GSTM5: variants seen among roughly 807,000 people sequenced by gnomAD.
GSTM5 encodes the protein GST class-mu 5.
Under a neutral mutation model 29.0 loss-of-function variants are expected in GSTM5, and 24 were observed. The ratio of observed to expected loss-of-function variants is 0.83; its 90% CI spans 0.60 to 1.16. The LOEUF (loss-of-function observed/expected upper bound fraction) is 1.16. GSTM5 is among the 50% of genes most tolerant of loss of function. GSTM5 has a pLI of 0.00. For synonymous variants in GSTM5, 91 were observed against 93.6 expected (o/e 0.97, Z 0.16); for missense variants, 290 against 263.0 (o/e 1.10, Z -0.71).
intron 7 of GSTM5, chr1:109,715,980 C>T (rs1468415881): frequency 2.8e-5 from 25 of 908,962 alleles, no homozygotes; most frequent in Non-Finnish European, 3.9e-5. Flanking sequence ...TATTCACCGA[C>T]CTTCTCCTCT....
rs894034059 is a variant in GSTM5, at chr1:109,713,488, C to A, written c.182C>A (p.Pro61His). ...CCCGGTTTCCCATCTATCCAGCTGC[C>A]CTACTTGATTGATGGGGCTCACAAG... Reference protein sequence around the residue: ...FKLGLDFPNLPYLIDGAHKIT... With the variant: ...FKLGLDFPNLHYLIDGAHKIT... Residue 61 changes from proline (P) to histidine (H), a missense_variant, in exon 4 of 8, where the codon CCC becomes CAC. Pro to His is a moderately conservative substitution (Grantham distance 77). Coordinates refer to ENST00000256593, the MANE Select transcript of GSTM5 (RefSeq NM_000851.4). 1 of 1,614,090 alleles carries A rather than the reference C, an allele frequency of 6.2e-7. No homozygotes were observed. The highest frequency in any genetic ancestry group is 8.5e-7 in the Non-Finnish European group (1 of 1,180,036).
intron 2 of GSTM5, 151 bp downstream of exon 2, chr1:109,712,844 C>T (rs980932746): frequency 2.3e-5 from 22 of 973,752 alleles, no homozygotes; most frequent in East Asian, 2.0e-4. Context: ...AGCCCTCTGG[C>T]CTTGCAAGGC....
At chr1:109,712,246 T>C (rs528375852), upstream of GSTM5, 134 of 1,554,442 alleles carry the variant, frequency 8.6e-5, 1 homozygote, top group African/African-American at 1.4e-3. Flanking sequence ...TGTCCCCTCC[T>C]GGGCCTCTCA....
chr1:109,713,440 G>T (rs771357549), intron 3 of GSTM5, 44 bp from the exon 4 acceptor site: 3 of 1,613,384 alleles, frequency 1.9e-6, no homozygotes, highest in Admixed American at 1.7e-5. Flanking sequence ...ATGCTGGGGA[G>T]CCTGGTGGCC....
rs144530836 is a variant in GSTM5, at chr1:109,713,742, T to A, written c.341T>A (p.Leu114Gln). ...GATAACCACATGGAGCTGGTCAGACTGTGCTATGACCCAGATTTTGTGAGT... is the reference window on the plus strand; with the variant it reads ...GATAACCACATGGAGCTGGTCAGACAGTGCTATGACCCAGATTTTGTGAGT... ...VMDNHMELVRLCYDPDFEKLK... is the reference protein window; with the variant it reads ...VMDNHMELVRQCYDPDFEKLK... The change falls in exon 5 of 8, where the codon CTG becomes CAG. Residue 114 changes from leucine (L) to glutamine (Q), a missense_variant. Coordinates refer to ENST00000256593, the MANE Select transcript of GSTM5 (RefSeq NM_000851.4). 1,054 of 1,613,022 alleles carry A rather than the reference T, an allele frequency of 6.5e-4. 10 individuals carry two copies. In the African/African-American group the frequency reaches 0.013, roughly 20 times the overall value.
rs1403570786 is a variant in GSTM5 at position 109,715,121 on chromosome 1, C to G, written c.457-9C>G. 2 of 1,614,068 alleles carry G rather than the reference C, an allele frequency of 1.2e-6. No homozygotes were observed. On this transcript the variant is annotated splice_polypyrimidine_tract_variant and intron_variant, in intron 6 of 7. Coordinates refer to ENST00000256593, the MANE Select transcript of GSTM5 (RefSeq NM_000851.4). ...GGTTTTCAGCCCACACATTCTTGGC[C>G]TTCTTCAGATCACCTTTGTGGATTT... is the stretch of plus-strand genomic sequence containing the variant.
intron 2 of GSTM5, 88 bp from the exon 3 acceptor site, chr1:109,713,031 G>C (rs1648614143): frequency 3.4e-6 from 5 of 1,478,852 alleles, no homozygotes; most frequent in Non-Finnish European, 4.7e-6. Context: ...ACCTGTCTCA[G>C]GGATCTTGCC....
intron 7 of GSTM5, 66 bp from the exon 8 acceptor site, chr1:109,717,271 G>A: frequency 8.1e-7 from 1 of 1,228,492 alleles, no homozygotes; most frequent in Non-Finnish European, 1.2e-6. Context: ...TGCTGTGCCT[G>A]CAGCAAAGCT....
rs760494900 is a variant in GSTM5, at chr1:109,712,307, A to G, written c.-6A>G. On this transcript the variant is annotated 5_prime_UTR_variant, in exon 1 of 8. Coordinates refer to ENST00000256593, the MANE Select transcript of GSTM5 (RefSeq NM_000851.4). ...CCTGTCTGCAGAATCCGCACCAACC[A>G]GCACCATGCCCATGACTCTGGGGTA... 1 of 1,613,932 alleles carries G rather than the reference A, an allele frequency of 6.2e-7. No homozygotes were observed. The highest frequency in any genetic ancestry group is 1.3e-5 in the African/African-American group (1 of 74,896).
intron 3 of GSTM5, 134 bp downstream of exon 3, chr1:109,713,317 C>T (rs1648630386): frequency 4.3e-6 from 6 of 1,389,430 alleles, no homozygotes; most frequent in Non-Finnish European, 6.1e-6. Context: ...GTCTACACAG[C>T]CCTTGCATGA....
intron 7 of GSTM5, chr1:109,715,630 C>A (rs1169259200): frequency 1.2e-6 from 1 of 802,140 alleles, no homozygotes; most frequent in Non-Finnish European, 1.9e-6. Flanking sequence ...CAGCCCAGAA[C>A]ACTTTGAAAG....
intron 7 of GSTM5, 144 bp downstream of exon 7, chr1:109,715,384 A>G (rs747525031): frequency 2.4e-5 from 38 of 1,577,156 alleles, no homozygotes; most frequent in Middle Eastern, 3.3e-4. Context: ...CCAGCACATT[A>G]TACCTATCGT....
intron 1 of GSTM5, 100 bp from the exon 2 acceptor site, chr1:109,712,518 G>A (rs567005929): frequency 7.0e-6 from 10 of 1,428,144 alleles, no homozygotes; most frequent in Middle Eastern, 1.9e-4. Context: ...AGGAGGCGAC[G>A]GGTACGTGCA....
chr1:109,712,422 C>T, intron 1 of GSTM5, 74 bp downstream of exon 1: 1 of 1,538,378 alleles, frequency 6.5e-7, no homozygotes, highest in South Asian at 1.1e-5. Context: ...AGGACTGGCT[C>T]TAGGGACCGT....
At position 109,712,361 on chromosome 1, in the gene GSTM5, C is replaced by T. The variant is rs1385833843; in HGVS notation, c.36+13C>T. Reference sequence around the variant, plus strand: ...GGACATCCGTGGGGTAAGCGAGGGTCCTCTGGTGGGTGGGACAGGGGGCGG... The same window carrying T: ...GGACATCCGTGGGGTAAGCGAGGGTTCTCTGGTGGGTGGGACAGGGGGCGG... On this transcript the variant is annotated intron_variant, in intron 1 of 7. Transcript: ENST00000256593. The T allele has an allele frequency of 6.2e-7, 1 of 1,613,542 alleles. No individual in the cohort carries two copies. The highest frequency in any genetic ancestry group is 1.7e-5 in the Admixed American group (1 of 59,986).
chr1:109,713,296 C>T, intron 3 of GSTM5, 113 bp downstream of exon 3: 1 of 1,502,386 alleles, frequency 6.7e-7, no homozygotes. Flanking sequence ...CAATTCCTCT[C>T]ACTCTTGGCT....
In GSTM5 at chr1:109,712,586, C is replaced by G. The variant is rs374682957; in HGVS notation, c.37-32C>G. 23 of 1,612,180 alleles carry G rather than the reference C, an allele frequency of 1.4e-5. No homozygotes were observed. The African/African-American group carries it at 2.5e-4, about 18-fold the overall frequency. Reference sequence around the variant, plus strand: ...AGTCACCAAGTCAGGGACCCTCCATCTCTGACCCGAGCCGCGGGCCATCTC... The same window carrying G: ...AGTCACCAAGTCAGGGACCCTCCATGTCTGACCCGAGCCGCGGGCCATCTC... On this transcript the variant is annotated intron_variant, in intron 1 of 7. Coordinates refer to ENST00000256593, the MANE Select transcript of GSTM5 (RefSeq NM_000851.4).
At chr1:109,715,370 A>G (rs753093870) in intron 7 of GSTM5, 130 bp downstream of exon 7, 2 of 1,592,676 alleles carry the variant, frequency 1.3e-6, no homozygotes, top group Non-Finnish European at 1.7e-6. Flanking sequence ...GCCAGGAATC[A>G]TGCCCAGCAC....
intron 5 of GSTM5, chr1:109,714,400 C>T (rs558024941): frequency 4.8e-5 from 8 of 168,410 alleles, no homozygotes; most frequent in African/African-American, 1.9e-4. Context: ...ATTGCATCTT[C>T]TCCTCAAAGT....
Sources: gnomAD v4.1 joint callset for allele counts on GRCh38, gnomAD v4.1.1 for gene constraint, MANE v1.5 for transcripts, NCBI Gene and HGNC (gene_info 2026-07-23, HGNC 2026-07-21) for gene names.